The following ANO6 variants were observed in gnomAD, a reference collection of about 807,000 sequenced individuals.
The protein encoded by ANO6 is anoctamin 6.
ANO6 carries 106 observed loss-of-function variants against 117.5 expected under a neutral mutation model. That is an observed-to-expected ratio of 0.90 (90% CI 0.77 to 1.06). The LOEUF is 1.06. ANO6 is among the 50% of genes least tolerant of loss of function. ANO6 has a pLI of 0.00. For synonymous variants in ANO6, 367 were observed against 385.1 expected (o/e 0.95, Z 0.55); for missense variants, 955 against 1,121.1 (o/e 0.85, Z 2.12).
At chr12:45,228,310 T>A (rs1047946454) in intron 1 of ANO6, 5 of 311,268 alleles carry the variant, frequency 1.6e-5, no homozygotes, top group African/African-American at 1.3e-4. Flanking sequence ...TTTTTTTTTT[T>A]TTTTTTTATT....
chr12:45,278,665 GTTTGT>G (rs1368883505), intron 1 of ANO6, among the ~76,000 whole-genome samples: 1 of 151,876 alleles, frequency 6.6e-6, no homozygotes, highest in East Asian at 1.9e-4. Context: ...GTTTTTTGTT[GTTTGT>G]TTTAAGCGTC....
chr12:45,231,435 A>AG (rs1947572861), intron 1 of ANO6, among the ~76,000 whole-genome samples: 2 of 152,198 alleles, frequency 1.3e-5, no homozygotes, highest in South Asian at 4.1e-4. Context: ...GCATTATCAG[A>AG]CCTAAGAAAA....
chr12:45,236,104 T>C (rs1592850823), intron 1 of ANO6, among the ~76,000 whole-genome samples: 1 of 152,210 alleles, frequency 6.6e-6, no homozygotes, highest in Non-Finnish European at 1.5e-5. Context: ...TGTTGTGATA[T>C]AACAGAATTT....
At chr12:45,336,178 A>AT (rs1375752847) in intron 3 of ANO6, among the ~76,000 whole-genome samples, 1 of 152,024 alleles carries the variant, frequency 6.6e-6, no homozygotes, top group Non-Finnish European at 1.5e-5. Context: ...ATTGCTAAGC[A>AT]TTTTTATAAT....
chr12:45,386,952 T>C (rs553385216), intron 10 of ANO6, among the ~76,000 whole-genome samples: 11 of 152,340 alleles, frequency 7.2e-5, no homozygotes, highest in African/African-American at 2.4e-4. Flanking sequence ...TGGTTCTGTG[T>C]GCCCAGAGCA....
At chr12:45,247,687 T>C (rs1261185951) in intron 1 of ANO6, among the ~76,000 whole-genome samples, 1 of 152,212 alleles carries the variant, frequency 6.6e-6, no homozygotes, top group Non-Finnish European at 1.5e-5. Flanking sequence ...GGCTTGCAGA[T>C]GACCACTGTG....
chr12:45,303,217 A>G (rs1216256653), intron 2 of ANO6, among the ~76,000 whole-genome samples: 1 of 152,244 alleles, frequency 6.6e-6, no homozygotes, highest in African/African-American at 2.4e-5. Flanking sequence ...AGAAAGACGT[A>G]GTATTCAATG....
chr12:45,344,987 G>A (rs752628078), intron 3 of ANO6, among the ~76,000 whole-genome samples: 32 of 152,106 alleles, frequency 2.1e-4, no homozygotes, highest in Admixed American at 3.9e-4. Context: ...GAGTAGGAAA[G>A]CTATACCTCA....
intron 1 of ANO6, among the ~76,000 whole-genome samples, chr12:45,282,188 CTG>C (rs1446614310): frequency 6.6e-6 from 1 of 152,116 alleles, no homozygotes; most frequent in East Asian, 1.9e-4. Context: ...AGCATAAGTC[CTG>C]TGTGTTAATA....
At chr12:45,348,417 A>C (rs1469776551) in intron 5 of ANO6, 101 bp from the exon 6 acceptor site, 6 of 1,571,960 alleles carry the variant, frequency 3.8e-6, no homozygotes. Context: ...GCACAAAAAG[A>C]AAAGAAATAT....
At chr12:45,367,121 ACAGG>A (rs1941706227) in intron 8 of ANO6, among the ~76,000 whole-genome samples, 1 of 152,196 alleles carries the variant, frequency 6.6e-6, no homozygotes, top group South Asian at 2.1e-4. Flanking sequence ...AGCTGGGATT[ACAGG>A]CACGCACCAC....
chr12:45,387,690 C>T (rs1942335490), intron 10 of ANO6, among the ~76,000 whole-genome samples: 1 of 152,086 alleles, frequency 6.6e-6, no homozygotes, highest in African/African-American at 2.4e-5. Flanking sequence ...TTTGATTTGC[C>T]ATATACAAAA....
chr12:45,440,300 C>T (rs187103404), exon 20 of ANO6: 132 of 156,048 alleles, frequency 8.5e-4, no homozygotes, highest in East Asian at 2.8e-3. Flanking sequence ...AGTGCAGTGG[C>T]GTGATCTCAG....
At chr12:45,358,061 G>A (rs564998894) in intron 8 of ANO6, among the ~76,000 whole-genome samples, 2 of 152,158 alleles carry the variant, frequency 1.3e-5, no homozygotes, top group Non-Finnish European at 2.9e-5. Flanking sequence ...ATTCTGAATG[G>A]TATTATTAGA....
At chr12:45,326,926 C>T (rs1350070713) in intron 2 of ANO6, among the ~76,000 whole-genome samples, 3 of 152,150 alleles carry the variant, frequency 2.0e-5, no homozygotes, top group Non-Finnish European at 2.9e-5. Context: ...AGGTTGAGTG[C>T]TTACCTTTGA....
chr12:45,250,984 G>T (rs1198952686), intron 1 of ANO6, among the ~76,000 whole-genome samples: 2 of 151,354 alleles, frequency 1.3e-5, no homozygotes, highest in Non-Finnish European at 2.9e-5. Flanking sequence ...GAGGTGGGAG[G>T]ATCTCTTGAG....
chr12:45,368,592 G>T (rs1189686950), intron 9 of ANO6, among the ~76,000 whole-genome samples: 1 of 152,202 alleles, frequency 6.6e-6, no homozygotes, highest in East Asian at 1.9e-4. Context: ...ATGAAGAATG[G>T]AGGGAGCTTA....
chr12:45,359,584 CT>C (rs1941501216), intron 8 of ANO6, among the ~76,000 whole-genome samples: 1 of 152,172 alleles, frequency 6.6e-6, no homozygotes, highest in Admixed American at 6.5e-5. Flanking sequence ...ATTTCACCTA[CT>C]GTTTTCAAGG....
intron 2 of ANO6, among the ~76,000 whole-genome samples, chr12:45,318,463 G>T (rs1940130802): frequency 6.6e-6 from 1 of 152,108 alleles, no homozygotes; most frequent in Non-Finnish European, 1.5e-5. Flanking sequence ...TAAGGGCTCT[G>T]TTCTGTTCCA....
Sources: gnomAD v4.1 joint callset for allele counts (sites outside exome capture counted in the v4.1 genomes callset) on GRCh38, gnomAD v4.1.1 for gene constraint, MANE v1.5 for transcripts, NCBI Gene and HGNC (gene_info 2026-07-23, HGNC 2026-07-21) for gene names.